The following DENND1A variants were observed in gnomAD, a reference collection of about 807,000 sequenced individuals.
DENND1A encodes DENN domain-containing protein 1A.
A neutral mutation model predicts 113.7 loss-of-function variants in DENND1A; 51 were observed. The observed-to-expected ratio is 0.45, with a 90% CI of 0.36 to 0.57. DENND1A has a LOEUF of 0.57. DENND1A is among the 20% of genes least tolerant of loss of function. The pLI, the probability that DENND1A is intolerant of heterozygous loss-of-function variation, is 0.00. For missense variants in DENND1A, 1,258 were observed against 1,395.9 expected (o/e 0.90, Z 1.57); for synonymous variants, 565 against 570.8 (o/e 0.99, Z 0.14).
chr9:123,566,438 C>T (rs767648532), intron 12 of DENND1A, among the ~76,000 whole-genome samples: 5 of 152,124 alleles, frequency 3.3e-5, no homozygotes, highest in Non-Finnish European at 4.4e-5. Context: ...GTCTCTGCTC[C>T]CTCCCTCTCC....
At chr9:123,773,635 G>A (rs546214537) in intron 3 of DENND1A, among the ~76,000 whole-genome samples, 34 of 152,248 alleles carry the variant, frequency 2.2e-4, no homozygotes, top group African/African-American at 7.7e-4. Context: ...ATCCTGCAAC[G>A]ACCAACATTC....
intron 11 of DENND1A, among the ~76,000 whole-genome samples, chr9:123,598,329 G>A (rs1029842849): frequency 6.6e-6 from 1 of 152,064 alleles, no homozygotes; most frequent in Non-Finnish European, 1.5e-5. Context: ...GTCCAGTTGT[G>A]CAGCAGTGCA....
intron 13 of DENND1A, chr9:123,485,646 GCGCGCGCGCGCACACACA>G (rs2050764865): frequency 6.2e-5 from 2 of 32,084 alleles, no homozygotes; most frequent in African/African-American, 1.5e-4. Context: ...GTACACACAC[GCGCGCGCGCGCACACACA>G]CACACACACA....
At chr9:123,811,025 C>T (rs569518734) in intron 2 of DENND1A, among the ~76,000 whole-genome samples, 38 of 152,256 alleles carry the variant, frequency 2.5e-4, no homozygotes, top group Admixed American at 1.1e-3. Flanking sequence ...TCCCAAAGTG[C>T]CGGGATTACA....
chr9:123,449,793 T>C (rs1186178914), intron 18 of DENND1A, among the ~76,000 whole-genome samples: 1 of 152,056 alleles, frequency 6.6e-6, no homozygotes. Flanking sequence ...AACCAAGCTA[T>C]GAGGATGCAA....
intron 9 of DENND1A, among the ~76,000 whole-genome samples, chr9:123,640,263 T>A (rs1009781952): frequency 6.6e-6 from 1 of 152,232 alleles, no homozygotes; most frequent in African/African-American, 2.4e-5. Context: ...AATCATTAAT[T>A]CTGCCTGGGG....
intron 20 of DENND1A, chr9:123,411,429 C>A (rs532879726): frequency 2.0e-5 from 3 of 152,438 alleles, no homozygotes; most frequent in African/African-American, 4.8e-5. Flanking sequence ...TGCCCCCGGA[C>A]TTCTGCTTCG....
intron 2 of DENND1A, among the ~76,000 whole-genome samples, chr9:123,850,052 T>C (rs997351493): frequency 2.0e-5 from 3 of 152,338 alleles, no homozygotes; most frequent in African/African-American, 7.2e-5. Flanking sequence ...ATTGTAAACA[T>C]TGTTGAAATG....
chr9:123,525,344 G>A (rs934162310), intron 13 of DENND1A, among the ~76,000 whole-genome samples: 1 of 152,190 alleles, frequency 6.6e-6, no homozygotes, highest in Non-Finnish European at 1.5e-5. Flanking sequence ...GGGTAAGTGG[G>A]AAGATGACTA....
At chr9:123,882,473 T>C (rs1848459135) in intron 1 of DENND1A, among the ~76,000 whole-genome samples, 1 of 152,196 alleles carries the variant, frequency 6.6e-6, no homozygotes, top group South Asian at 2.1e-4. Context: ...CCGTTTCATA[T>C]GCCACAGTCA....
intron 2 of DENND1A, among the ~76,000 whole-genome samples, chr9:123,835,880 G>A (rs955942529): frequency 6.6e-6 from 1 of 152,128 alleles, no homozygotes; most frequent in African/African-American, 2.4e-5. Context: ...TATAAAAGTG[G>A]GGAGAGCTTC....
At position 123,591,799 on chromosome 9, in the gene DENND1A, C is replaced by T. The variant is rs969807469; in HGVS notation, c.766-8529G>A. Among the ~76,000 whole-genome samples, 11 of 152,284 alleles carry T rather than the reference C, an allele frequency of 7.2e-5. No individual in the cohort carries two copies. In the East Asian group the frequency reaches 1.9e-3, roughly 27 times the overall value. ...CAATGTCAGCTCAACGAAAGCAAAT[C>T]GGAGTTTGCTCAAGGAAGTGCAATG... On this transcript the variant is annotated intron_variant, in intron 11 of 23. Transcript: ENST00000394215.
At chr9:123,694,395 C>T (rs2065377066) in intron 5 of DENND1A, among the ~76,000 whole-genome samples, 1 of 152,172 alleles carries the variant, frequency 6.6e-6, no homozygotes, top group South Asian at 2.1e-4. Flanking sequence ...AGTGGGAGAT[C>T]AGCCAGTTGC....
chr9:123,910,530 A>G (rs1483282881), intron 1 of DENND1A, among the ~76,000 whole-genome samples: 1 of 152,246 alleles, frequency 6.6e-6, no homozygotes, highest in East Asian at 1.9e-4. Flanking sequence ...GATAAAACAA[A>G]CAAAAGTATA....
At chr9:123,642,711 T>TG (rs1261897209) in intron 9 of DENND1A, among the ~76,000 whole-genome samples, 1 of 152,228 alleles carries the variant, frequency 6.6e-6, no homozygotes, top group Non-Finnish European at 1.5e-5. Flanking sequence ...GGCTGGAACA[T>TG]GCAGAGTGGA....
chr9:123,467,069 A>AAAAAC lies in DENND1A; in HGVS notation c.994-9177_994-9173dup, dbSNP rs372292471. On this transcript the variant is annotated intron_variant, in intron 13 of 23. Coordinates refer to ENST00000394215, the MANE Select transcript of DENND1A (RefSeq NM_001352964.2). ...TCTCAGGAAAAAAACCCAAAAAAAC[A>AAAAAC]AAAACAAAACAAAACAAAACAAAAC... is the stretch of plus-strand genomic sequence containing the variant. 3.5e-4 allele frequency among the ~76,000 whole-genome samples: 54 copies of AAAAAC among 152,274 alleles called. No individual in the cohort carries two copies. In the East Asian group the frequency reaches 5.4e-3, roughly 15 times the overall value.
intron 20 of DENND1A, among the ~76,000 whole-genome samples, chr9:123,410,280 C>T (rs1200103762): frequency 1.3e-5 from 2 of 152,140 alleles, no homozygotes; most frequent in African/African-American, 4.8e-5. Context: ...GCTCTGTCGG[C>T]CCCCCAAATC....
chr9:123,699,688 CT>C lies in DENND1A; in HGVS notation c.303-22900del, dbSNP rs34215948. 8.4e-3 allele frequency among the ~76,000 whole-genome samples: 943 copies of C among 112,388 alleles called. 1 individual carries two copies. The highest frequency in any genetic ancestry group is 0.013 in the Admixed American group (151 of 11,222). The allele number at this position is 112,388 out of a possible 152,430, so 73.7% of individuals were successfully genotyped here. On this transcript the variant is annotated intron_variant, in intron 5 of 23. Transcript: ENST00000394215. ...TAGACTACCCTTTCATTCTTTCTTT[CT>C]TTTTTTTTTTTTTTTTTTTTTTATT...
rs747145639 is a variant in DENND1A at position 123,792,636 on chromosome 9, A to G, written c.89-6T>C. 6.2e-7 allele frequency: 1 copy of G among 1,613,066 alleles called. No individual in the cohort carries two copies. Among genetic ancestry groups the G allele is most frequent in the South Asian group, 1.1e-5 (1 of 90,782 alleles). On this transcript the variant is annotated splice_polypyrimidine_tract_variant and splice_region_variant and intron_variant, in intron 2 of 23. Coordinates refer to ENST00000394215, the MANE Select transcript of DENND1A (RefSeq NM_001352964.2). ...TTGCCTCTGCACCTCAGGATCTGTAAATAATTGACAGATAATATTAATTGG... is the reference window on the plus strand; with the variant it reads ...TTGCCTCTGCACCTCAGGATCTGTAGATAATTGACAGATAATATTAATTGG...
Sources: allele counts gnomAD v4.1 joint callset (sites outside exome capture counted in the v4.1 genomes callset), GRCh38; gene constraint gnomAD v4.1.1; transcripts MANE v1.5; gene names NCBI Gene and HGNC (gene_info 2026-07-23, HGNC 2026-07-21).